TAF8: variants seen among roughly 807,000 people sequenced by gnomAD.
The protein encoded by TAF8 is transcription initiation factor TFIID subunit 8.
In TAF8, 47 loss-of-function variants were observed where a neutral mutation model predicts 36.5. That is an observed-to-expected ratio of 1.29 (90% CI 1.02 to 1.64). TAF8 has a LOEUF of 1.64. Among genes scored for constraint, TAF8 ranks in the 40% most tolerant of loss-of-function variants. The pLI, the probability that TAF8 is intolerant of heterozygous loss-of-function variation, is 0.00. For missense variants in TAF8, 420 were observed against 407.6 expected, an observed-to-expected ratio of 1.03 and a Z score of -0.26; for synonymous variants, 175 against 159.5, an observed-to-expected ratio of 1.10 and a Z score of -0.73.
chr6:42,052,466 C>T (rs1764829149), intron 2 of TAF8, among the ~76,000 whole-genome samples: 1 of 152,036 alleles, frequency 6.6e-6, no homozygotes, highest in Admixed American at 6.5e-5. Flanking sequence ...GGATCATAGG[C>T]GTGCACCACC....
At chr6:42,076,381 C>T (rs1162534417) in intron 7 of TAF8, among the ~76,000 whole-genome samples, 3 of 152,108 alleles carry the variant, frequency 2.0e-5, no homozygotes, top group East Asian at 1.9e-4. Context: ...ACCCCGGAGA[C>T]GGAGGCTGCA....
Position 42,050,606 on chromosome 6 carries a change from G to A in TAF8, c.45+20G>A. ...GGAACGGTAAGGGCAGGAAGCGCGGGCTCGGAGCCGAGAGAGTTTGGGTAT... is the reference window on the plus strand; with the variant it reads ...GGAACGGTAAGGGCAGGAAGCGCGGACTCGGAGCCGAGAGAGTTTGGGTAT... On this transcript the variant is annotated intron_variant, in intron 1 of 8. Coordinates refer to ENST00000372977, the MANE Select transcript of TAF8 (RefSeq NM_138572.3). 6.5e-7 allele frequency: 1 copy of A among 1,543,042 alleles called. No individual in the cohort carries two copies. The highest frequency in any genetic ancestry group is 1.2e-5 in the South Asian group (1 of 83,604).
chr6:42,068,467 A>T lies in TAF8; in HGVS notation c.640A>T (p.Ile214Phe). The T allele has an allele frequency of 6.2e-7, 1 of 1,613,982 alleles. No homozygotes were observed. ...FKDDVSTFPLIAARPFTIPYL... is the reference protein window; with the variant it reads ...FKDDVSTFPLFAARPFTIPYL... ...ATGCCTCTCTTCCAATTCGCCAGTG[A>T]TTGCTGCCAGACCTTTCACCATCCC... The change falls in exon 7 of 9, where the codon ATT (isoleucine) becomes TTT (phenylalanine). Residue 214 changes from isoleucine to phenylalanine, a missense_variant and splice_region_variant. Transcript: ENST00000372977.
Position 42,079,248 on chromosome 6 carries a change from G to A in TAF8, c.*1703G>A. 1.0e-6 allele frequency: 1 copy of A among 985,624 alleles called. No individual in the cohort carries two copies. The highest frequency in any genetic ancestry group is 1.2e-6 in the Non-Finnish European group (1 of 830,016). 61.1% of individuals were successfully genotyped at this position (985,624 alleles called of 1,614,324 possible). ...AAACGGCTGGTCAGCTGGAAGGCTG[G>A]TGGATGGGCAGGAGTGAGCCAAGCT... On this transcript the variant is annotated 3_prime_UTR_variant, in exon 9 of 9. Coordinates refer to ENST00000372977, the MANE Select transcript of TAF8 (RefSeq NM_138572.3).
intron 4 of TAF8, 147 bp from the exon 5 acceptor site, chr6:42,057,242 C>A: frequency 8.4e-7 from 1 of 1,184,274 alleles, no homozygotes. Context: ...CATCAAAGAC[C>A]TTTTATCGAT....
chr6:42,066,924 T>C (rs1360793317), intron 6 of TAF8, among the ~76,000 whole-genome samples: 1 of 152,200 alleles, frequency 6.6e-6, no homozygotes, highest in East Asian at 1.9e-4. Flanking sequence ...ATTCATTCAT[T>C]CAGCAAGCTC....
At chr6:42,075,253 C>T (rs947285231) in intron 7 of TAF8, among the ~76,000 whole-genome samples, 1 of 152,124 alleles carries the variant, frequency 6.6e-6, no homozygotes, top group African/African-American at 2.4e-5. Flanking sequence ...TTTTCCGGCA[C>T]CTGGTCTGGC....
chr6:42,054,516 A>C (rs955363975), intron 2 of TAF8, among the ~76,000 whole-genome samples: 1 of 152,100 alleles, frequency 6.6e-6, no homozygotes, highest in Admixed American at 6.6e-5. Flanking sequence ...GGTAACTTCT[A>C]ATCTACTTTC....
downstream of TAF8, chr6:42,086,964 C>T (rs1766038896): frequency 7.1e-5 from 43 of 609,074 alleles, no homozygotes; most frequent in South Asian, 8.4e-4. Context: ...GGATGTAGAC[C>T]CTGTCCTCAA....
At chr6:42,055,693 C>A in intron 3 of TAF8, 64 bp downstream of exon 3, 4 of 1,274,414 alleles carry the variant, frequency 3.1e-6, no homozygotes, top group Non-Finnish European at 4.6e-6. Flanking sequence ...AGGAATCAGG[C>A]ATGTCTGCTA....
Position 42,078,378 on chromosome 6 carries a change from G to A in TAF8, c.*833G>A, listed in dbSNP as rs946913778. 3.0e-6 allele frequency: 3 copies of A among 985,324 alleles called. No homozygotes were observed. In the African/African-American group the frequency reaches 5.2e-5, roughly 17 times the overall value. 61.0% of individuals were successfully genotyped at this position (985,324 alleles called of 1,614,324 possible). A position where few individuals can be genotyped will look rare whatever the true frequency, so the allele number is the denominator to read the frequency against. On this transcript the variant is annotated 3_prime_UTR_variant, in exon 9 of 9. Transcript: ENST00000372977. ...GTCCAGCGTGTATTTCAGGATATCTGGATCCCTTTTATTGACTCACAATTT... is the reference window on the plus strand; with the variant it reads ...GTCCAGCGTGTATTTCAGGATATCTAGATCCCTTTTATTGACTCACAATTT...
In TAF8 at chr6:42,079,899, A is replaced by G; in HGVS notation, c.*2354A>G. On this transcript the variant is annotated 3_prime_UTR_variant, in exon 9 of 9. Transcript: ENST00000372977. Reference sequence around the variant, plus strand: ...CCTTGGTGAATTTGGAAACTTGAAAAACTTGGGGACTTGACAGCAGGCTCC... The same window carrying G: ...CCTTGGTGAATTTGGAAACTTGAAAGACTTGGGGACTTGACAGCAGGCTCC... 1 of 985,094 alleles carries G rather than the reference A, an allele frequency of 1.0e-6. No individual in the cohort carries two copies. Among genetic ancestry groups the G allele is most frequent in the Non-Finnish European group, 1.2e-6 (1 of 829,874 alleles). 61.0% of individuals were successfully genotyped at this position (985,094 alleles called of 1,614,324 possible).
At chr6:42,051,096 C>G in intron 1 of TAF8, 1 of 1,149,376 alleles carries the variant, frequency 8.7e-7, no homozygotes, top group Non-Finnish European at 1.1e-6. Context: ...TAATAATCTG[C>G]TAAAGTAGAA....
In TAF8 at chr6:42,056,233, G is replaced by A; in HGVS notation, c.364+219G>A. 8.5e-6 allele frequency: 4 copies of A among 471,594 alleles called. No individual in the cohort carries two copies. In the South Asian group the frequency reaches 9.5e-5, roughly 11 times the overall value. The allele number at this position is 471,594 out of a possible 1,614,324, so 29.2% of individuals were successfully genotyped here. ...TAAACCATCTTTGAGATATTGCTGTGTTTCTTGTGTTCTAGCCCCAGAAGG... is the reference window on the plus strand; with the variant it reads ...TAAACCATCTTTGAGATATTGCTGTATTTCTTGTGTTCTAGCCCCAGAAGG... On this transcript the variant is annotated intron_variant, in intron 4 of 8. Coordinates refer to ENST00000372977, the MANE Select transcript of TAF8 (RefSeq NM_138572.3).
intron 1 of TAF8, chr6:42,050,845 G>A (rs1764747790): frequency 4.8e-6 from 5 of 1,045,492 alleles, no homozygotes; most frequent in Middle Eastern, 2.8e-4. Context: ...TGAAGATGCC[G>A]TTTTCGCCTT....
At chr6:42,071,928 C>T (rs2492927) in intron 7 of TAF8, among the ~76,000 whole-genome samples, 121,651 of 152,128 alleles carry the variant, frequency 0.8, 48,728 homozygotes, top group East Asian at 0.92. Context: ...TGTCAGCAAC[C>T]GCCTGAGGAC....
chr6:42,050,995 G>A, intron 1 of TAF8: 1 of 1,086,468 alleles, frequency 9.2e-7, no homozygotes, highest in Non-Finnish European at 1.1e-6. Flanking sequence ...CAATGAAATG[G>A]TGTGAAGATG....
At chr6:42,060,806 C>T (rs1221578904) in intron 5 of TAF8, among the ~76,000 whole-genome samples, 1 of 152,184 alleles carries the variant, frequency 6.6e-6, no homozygotes, top group Non-Finnish European at 1.5e-5. Context: ...TCTTATTGCA[C>T]TTATGCAATT....
intron 7 of TAF8, among the ~76,000 whole-genome samples, chr6:42,069,676 G>T (rs1329879816): frequency 6.6e-6 from 1 of 152,154 alleles, no homozygotes; most frequent in Non-Finnish European, 1.5e-5. Context: ...GTCAGGTGAA[G>T]AATTGGATAT....
Sources: allele counts gnomAD v4.1 joint callset (sites outside exome capture counted in the v4.1 genomes callset), GRCh38; gene constraint gnomAD v4.1.1; transcripts MANE v1.5; gene names NCBI Gene and HGNC (gene_info 2026-07-23, HGNC 2026-07-21).